The following ZSCAN25 variants were observed in gnomAD, a reference collection of about 807,000 sequenced individuals.
ZSCAN25 encodes zinc finger and SCAN domain-containing protein 25.
ZSCAN25 carries 27 observed loss-of-function variants against 38.7 expected under a neutral mutation model. The observed-to-expected ratio is 0.70, with a 90% CI of 0.51 to 0.96. ZSCAN25 has a LOEUF of 0.96. ZSCAN25 is among the 40% of genes least tolerant of loss of function. The probability of loss-of-function intolerance (pLI) is 0.00; values close to 1 mark genes in which losing one functional copy is unlikely to be tolerated. For synonymous variants in ZSCAN25, 273 were observed against 277.7 expected (o/e 0.98, Z 0.17); for missense variants, 637 against 705.9 (o/e 0.90, Z 1.11).
chr7:99,657,489 T>A, the ZSCAN25 span, among the ~76,000 whole-genome samples: 2 of 152,152 alleles, frequency 1.3e-5, no homozygotes, highest in Non-Finnish European at 2.9e-5. Context: ...TGCTGAGGAG[T>A]GCTTTACTTC....
chr7:99,659,641 GC>G, the ZSCAN25 span: 1 of 152,596 alleles, frequency 6.6e-6, no homozygotes, highest in Non-Finnish European at 1.5e-5. Context: ...GGTTTCTGCT[GC>G]CTTTTGGTTG....
the ZSCAN25 span, among the ~76,000 whole-genome samples, chr7:99,699,311 T>C: frequency 6.6e-6 from 1 of 152,114 alleles, no homozygotes; most frequent in African/African-American, 2.4e-5. Context: ...GCAAGGTAAA[T>C]AGTTCTGTGT....
the ZSCAN25 span, chr7:99,676,386 C>T: frequency 1.3e-6 from 2 of 1,516,068 alleles, no homozygotes; most frequent in Non-Finnish European, 1.8e-6. Flanking sequence ...CCTGACTATT[C>T]TGAGACCCCT....
At chr7:99,720,547 A>G in the ZSCAN25 span, 6 of 966,622 alleles carry the variant, frequency 6.2e-6, no homozygotes, top group African/African-American at 3.3e-5. Context: ...CTTAAGTTCT[A>G]GTTCATTAGG....
chr7:99,622,512 C>A (rs371264228), intron 5 of ZSCAN25, 37 bp from the exon 6 acceptor site: 8 of 1,590,688 alleles, frequency 5.0e-6, no homozygotes, highest in Non-Finnish European at 6.0e-6. Flanking sequence ...CATCACTGAT[C>A]CTTCTGATCT....
At chr7:99,645,356 T>C in the ZSCAN25 span, among the ~76,000 whole-genome samples, 1 of 152,210 alleles carries the variant, frequency 6.6e-6, no homozygotes, top group African/African-American at 2.4e-5. Flanking sequence ...CTTTATTCAG[T>C]CCGTAATTGA....
the ZSCAN25 span, among the ~76,000 whole-genome samples, chr7:99,669,473 A>G: frequency 6.6e-5 from 10 of 152,376 alleles, no homozygotes; most frequent in South Asian, 2.1e-3. Context: ...TGGTGAGTTT[A>G]TTAAGCAATG....
At chr7:99,645,207 T>C in the ZSCAN25 span, among the ~76,000 whole-genome samples, 1 of 152,200 alleles carries the variant, frequency 6.6e-6, no homozygotes, top group African/African-American at 2.4e-5. Context: ...GCCAGGATAG[T>C]CTCGATCTCC....
At chr7:99,723,210 C>G in the ZSCAN25 span, among the ~76,000 whole-genome samples, 1 of 152,150 alleles carries the variant, frequency 6.6e-6, no homozygotes, top group African/African-American at 2.4e-5. Flanking sequence ...CAACCAAAAA[C>G]TACAAATAGG....
the ZSCAN25 span, among the ~76,000 whole-genome samples, chr7:99,732,275 A>G: frequency 9.5e-3 from 1,448 of 152,266 alleles, 8 homozygotes; most frequent in Admixed American, 0.018. Context: ...ACCTTCTGCC[A>G]TGATTGTAAA....
rs1008854815 is a variant in ZSCAN25 at position 99,630,230 on chromosome 7, C to T, written c.*210C>T. 44 of 1,350,364 alleles carry T rather than the reference C, an allele frequency of 3.3e-5. No individual in the cohort carries two copies. In the African/African-American group the frequency reaches 6.2e-4, roughly 19 times the overall value. The allele number at this position is 1,350,364 out of a possible 1,614,324, so 83.6% of individuals were successfully genotyped here. ...AAGTGGTGCTAAACAATTTTTCTTCCAATGTTTGAGGGAAGCAGTCTCCTG... is the reference window on the plus strand; with the variant it reads ...AAGTGGTGCTAAACAATTTTTCTTCTAATGTTTGAGGGAAGCAGTCTCCTG... On this transcript the variant is annotated 3_prime_UTR_variant, in exon 8 of 8. Coordinates refer to ENST00000394152, the MANE Select transcript of ZSCAN25 (RefSeq NM_145115.3).
the ZSCAN25 span, among the ~76,000 whole-genome samples, chr7:99,689,394 T>C: frequency 7.9e-5 from 12 of 151,942 alleles, no homozygotes; most frequent in African/African-American, 2.7e-4. Flanking sequence ...AACACCTATA[T>C]GCAAATAAAC....
chr7:99,632,218 A>T lies in ZSCAN25; in HGVS notation c.*2198A>T, dbSNP rs2151306484. On this transcript the variant is annotated 3_prime_UTR_variant, in exon 8 of 8. Transcript: ENST00000394152. ...AGGACAGTGTCTCAGAAAAGCCTCT[A>T]AGTAGGGGGTTTTTCCCATGGGATT... 1.0e-6 allele frequency: 1 copy of T among 985,334 alleles called. No individual in the cohort carries two copies. The highest frequency in any genetic ancestry group is 1.2e-6 in the Non-Finnish European group (1 of 829,894). The allele number at this position is 985,334 out of a possible 1,614,324, so 61.0% of individuals were successfully genotyped here.
chr7:99,661,579 G>C, the ZSCAN25 span, among the ~76,000 whole-genome samples: 1 of 152,220 alleles, frequency 6.6e-6, no homozygotes, highest in Non-Finnish European at 1.5e-5. Flanking sequence ...TCACTAGTCT[G>C]TTTGGTCAGG....
At chr7:99,668,936 C>A in the ZSCAN25 span, among the ~76,000 whole-genome samples, 2 of 152,184 alleles carry the variant, frequency 1.3e-5, no homozygotes, top group African/African-American at 4.8e-5. Context: ...ATATTTCAAC[C>A]TACCTTTGTA....
chr7:99,674,760 A>T, the ZSCAN25 span, among the ~76,000 whole-genome samples: 2 of 152,214 alleles, frequency 1.3e-5, no homozygotes, highest in African/African-American at 4.8e-5. Context: ...CAGAGAATAT[A>T]TTTGAAGTGG....
At chr7:99,666,707 C>A in the ZSCAN25 span, 10 of 1,613,998 alleles carry the variant, frequency 6.2e-6, no homozygotes, top group Non-Finnish European at 8.5e-6. Flanking sequence ...CAAAACAGAT[C>A]AGTACCTGTA....
chr7:99,716,594 G>A, the ZSCAN25 span, among the ~76,000 whole-genome samples: 1 of 152,142 alleles, frequency 6.6e-6, no homozygotes, highest in African/African-American at 2.4e-5. Flanking sequence ...CCCAGGACAG[G>A]CTCAGATTAC....
chr7:99,652,857 G>T, the ZSCAN25 span: 1 of 1,060,188 alleles, frequency 9.4e-7, no homozygotes, highest in Non-Finnish European at 1.4e-6. Flanking sequence ...TACTATTGAA[G>T]TATTAGAAGC....
Sources: gnomAD v4.1 joint callset for allele counts (sites outside exome capture counted in the v4.1 genomes callset) on GRCh38, gnomAD v4.1.1 for gene constraint, MANE v1.5 for transcripts, NCBI Gene and HGNC (gene_info 2026-07-23, HGNC 2026-07-21) for gene names.